VSTM2A: variants seen among roughly 807,000 people sequenced by gnomAD.
VSTM2A encodes V-set and transmembrane domain containing 2A.
In VSTM2A, 13 loss-of-function variants were observed where a neutral mutation model predicts 27.3. The observed-to-expected ratio is 0.48, with a 90% CI of 0.31 to 0.76. VSTM2A has a LOEUF of 0.76. Ranked by LOEUF, VSTM2A falls within the 30% of genes least tolerant of loss-of-function variation. The pLI is 0.05. For synonymous variants in VSTM2A, 142 were observed against 125.7 expected (o/e 1.13, Z -0.87); for missense variants, 280 against 310.0 (o/e 0.90, Z 0.73).
intron 3 of VSTM2A, among the ~76,000 whole-genome samples, chr7:54,547,504 A>T (rs1263579301): frequency 6.6e-6 from 1 of 152,202 alleles, no homozygotes; most frequent in Non-Finnish European, 1.5e-5. Flanking sequence ...TAATGCCAAA[A>T]GCCAATATAA....
chr7:54,546,555 C>T (rs1787981555), intron 2 of VSTM2A: 1 of 69,786 alleles, frequency 1.4e-5, no homozygotes, highest in East Asian at 2.8e-4. Flanking sequence ...ACCCCTGGCG[C>T]CCCCCCGCCT....
chr7:54,559,673 T>A (rs1774856387), intron 4 of VSTM2A: 1 of 152,042 alleles, frequency 6.6e-6, no homozygotes, highest in African/African-American at 2.4e-5. Context: ...TCATAGCGAG[T>A]CATGAATTGC....
intron 3 of VSTM2A, among the ~76,000 whole-genome samples, chr7:54,549,036 A>G (rs1220248729): frequency 1.3e-5 from 2 of 149,952 alleles, no homozygotes; most frequent in Non-Finnish European, 3.0e-5. Context: ...TATATAATAT[A>G]AAATCATATA....
intron 4 of VSTM2A, chr7:54,551,064 T>C (rs1788175690): frequency 6.6e-6 from 1 of 152,064 alleles, no homozygotes; most frequent in African/African-American, 2.4e-5. Flanking sequence ...ATTTAAGGTC[T>C]CTTCAGCCAT....
Position 54,556,723 on chromosome 7 carries a change from T to C in VSTM2A, c.634+6553T>C, listed in dbSNP as rs544266227. Among the ~76,000 whole-genome samples the C allele has an allele frequency of 9.2e-5, 14 of 152,338 alleles. 2 individuals carry two copies. The South Asian group carries it at 2.9e-3, about 32-fold the overall frequency. The stretch of plus-strand genomic sequence containing the variant: ...CCAAGGAATCTGCTAGGGCTATATT[T>C]GAACCAGAATTATGTAGATTAAGAG... On this transcript the variant is annotated intron_variant, in intron 4 of 4. Coordinates refer to ENST00000402613, the MANE Select transcript of VSTM2A (RefSeq NM_001301009.2).
chr7:54,569,454 T>A lies in VSTM2A; in HGVS notation c.*235T>A, dbSNP rs1788825239. On this transcript the variant is annotated 3_prime_UTR_variant, in exon 5 of 5. Coordinates refer to ENST00000402613, the MANE Select transcript of VSTM2A (RefSeq NM_001301009.2). ...GAATGTCATCAGGATAGGGAATATT[T>A]ACTATGGATACCACTAATTTCCTAC... The A allele has an allele frequency of 3.3e-6, 2 of 605,058 alleles. No homozygotes were observed. The highest frequency in any genetic ancestry group is 5.5e-6 in the Non-Finnish European group (2 of 366,568). 37.5% of individuals were successfully genotyped at this position (605,058 alleles called of 1,614,324 possible).
chr7:54,556,933 C>A (rs181096666), intron 4 of VSTM2A: 2 of 152,304 alleles, frequency 1.3e-5, no homozygotes, highest in African/African-American at 2.4e-5. Context: ...TGCCAGTGTT[C>A]TAAGTTCTTG....
chr7:54,542,927 C>A, intron 1 of VSTM2A, 118 bp downstream of exon 1: 1 of 941,346 alleles, frequency 1.1e-6, no homozygotes, highest in Non-Finnish European at 1.6e-6. Flanking sequence ...TGGGCTTAGG[C>A]TGTATAAATA....
intron 4 of VSTM2A, among the ~76,000 whole-genome samples, chr7:54,556,349 G>A (rs1271156119): frequency 1.3e-5 from 2 of 152,186 alleles, no homozygotes; most frequent in Non-Finnish European, 2.9e-5. Context: ...TTAAGAGGCA[G>A]CTGCTGCAAC....
Position 54,563,673 on chromosome 7 carries a change from G to C in VSTM2A, c.635-5458G>C, listed in dbSNP as rs139674232. On this transcript the variant is annotated intron_variant, in intron 4 of 4. Coordinates refer to ENST00000402613, the MANE Select transcript of VSTM2A (RefSeq NM_001301009.2). ...CCCATGCACCCTGTCCTGTAGACCTGCGTTCGTGGGCAACTGTACTCTCCC... is the reference window on the plus strand; with the variant it reads ...CCCATGCACCCTGTCCTGTAGACCTCCGTTCGTGGGCAACTGTACTCTCCC... 6.2e-3 allele frequency among the ~76,000 whole-genome samples: 938 copies of C among 152,208 alleles called. 11 individuals carry two copies. The highest frequency in any genetic ancestry group is 8.5e-3 in the Admixed American group (130 of 15,290).
chr7:54,549,570 A>G (rs1418030611), intron 3 of VSTM2A, among the ~76,000 whole-genome samples: 1 of 152,200 alleles, frequency 6.6e-6, no homozygotes, highest in African/African-American at 2.4e-5. Context: ...ACTGGCATGT[A>G]GACAATGGGG....
chr7:54,544,918 A>AC, intron 2 of VSTM2A, 130 bp downstream of exon 2: 1 of 1,144,432 alleles, frequency 8.7e-7, no homozygotes, highest in Non-Finnish European at 1.2e-6. Context: ...GAAGCGAGTG[A>AC]CCCCCAGGGC....
chr7:54,563,098 T>A (rs1198882252), intron 4 of VSTM2A, among the ~76,000 whole-genome samples: 1 of 152,206 alleles, frequency 6.6e-6, no homozygotes, highest in Non-Finnish European at 1.5e-5. Flanking sequence ...TTTCCACCAA[T>A]TTATATTGTT....
chr7:54,553,021 A>G (rs1003175497), intron 4 of VSTM2A, among the ~76,000 whole-genome samples: 1 of 152,258 alleles, frequency 6.6e-6, no homozygotes, highest in Non-Finnish European at 1.5e-5. Context: ...AAATAATTTT[A>G]TATAAAATCT....
intron 4 of VSTM2A, among the ~76,000 whole-genome samples, chr7:54,561,407 A>G (rs1036882109): frequency 2.0e-5 from 3 of 152,200 alleles, no homozygotes; most frequent in Admixed American, 6.5e-5. Context: ...CAGACTGCCT[A>G]TGTAGCAATG....
chr7:54,546,554 G>GCCC lies in VSTM2A; in HGVS notation c.247-388_247-386dup, dbSNP rs763266624. Reference sequence around the variant, plus strand: ...GGCGCCCGCCCGCCTCACCCCTGGCGCCCCCCCGCCTGCCCGCCCGCCCAC... The same window carrying GCCC: ...GGCGCCCGCCCGCCTCACCCCTGGCGCCCCCCCCCCGCCTGCCCGCCCGCCCAC... On this transcript the variant is annotated intron_variant, in intron 2 of 4. Transcript: ENST00000402613. 7.9e-3 allele frequency: 1,272 copies of GCCC among 161,714 alleles called. 19 individuals carry two copies. The highest frequency in any genetic ancestry group is 0.029 in the African/African-American group (1,137 of 39,164). 10.0% of individuals were successfully genotyped at this position (161,714 alleles called of 1,614,324 possible).
At chr7:54,560,459 T>A (rs1290243939) in intron 4 of VSTM2A, among the ~76,000 whole-genome samples, 3 of 152,158 alleles carry the variant, frequency 2.0e-5, no homozygotes. Flanking sequence ...TGCAATCATT[T>A]TTCCTGTCAA....
At chr7:54,552,848 T>G (rs1427043648) in intron 4 of VSTM2A, among the ~76,000 whole-genome samples, 2 of 152,256 alleles carry the variant, frequency 1.3e-5, no homozygotes, top group African/African-American at 4.8e-5. Flanking sequence ...TATGGGACAC[T>G]GTCATCTCTG....
At chr7:54,567,827 C>G (rs1289931523) in intron 4 of VSTM2A, among the ~76,000 whole-genome samples, 4 of 151,520 alleles carry the variant, frequency 2.6e-5, no homozygotes, top group African/African-American at 9.7e-5. Context: ...AATGAGAATA[C>G]GTGTTTAATT....
Sources: allele counts gnomAD v4.1 joint callset (sites outside exome capture counted in the v4.1 genomes callset), GRCh38; gene constraint gnomAD v4.1.1; transcripts MANE v1.5; gene names NCBI Gene and HGNC (gene_info 2026-07-23, HGNC 2026-07-21).